EPB41L4A: variants seen among roughly 807,000 people sequenced by gnomAD.
EPB41L4A encodes the protein erythrocyte membrane protein band 4.1 like 4A, also known as band 4.1-like protein 4A.
In EPB41L4A, 100 loss-of-function variants were observed where a neutral mutation model predicts 108.6. The observed-to-expected ratio is 0.92, with a 90% CI of 0.78 to 1.09. The LOEUF (loss-of-function observed/expected upper bound fraction) is 1.09, where lower values mean the gene tolerates loss of function less well. EPB41L4A is among the 50% of genes least tolerant of loss of function. The probability of loss-of-function intolerance (pLI) is 0.00; values close to 1 mark genes in which losing one functional copy is unlikely to be tolerated. For synonymous variants in EPB41L4A, 319 were observed against 289.0 expected (o/e 1.10, Z -1.05); for missense variants, 1,030 against 842.7 (o/e 1.22, Z -2.75).
chr5:112,279,059 C>A (rs908981785), intron 3 of EPB41L4A, among the ~76,000 whole-genome samples: 5 of 111,872 alleles, frequency 4.5e-5, no homozygotes, highest in Admixed American at 1.9e-4. Context: ...AGCAAGATAC[C>A]GTCTCAAAAA....
chr5:112,388,720 T>C (rs925177081), intron 1 of EPB41L4A, among the ~76,000 whole-genome samples: 2 of 152,160 alleles, frequency 1.3e-5, no homozygotes, highest in African/African-American at 4.8e-5. Context: ...TGCTCAACTA[T>C]TACATGCAGG....
chr5:112,352,282 C>T lies in EPB41L4A; in HGVS notation c.100-44792G>A, dbSNP rs7712659. ...ATTGCTATAAGCTTCCCTCTTAGCA[C>T]TGCTTTTGCTGTACCCATAGGTTTT... On this transcript the variant is annotated intron_variant, in intron 1 of 22. Coordinates refer to ENST00000261486, the MANE Select transcript of EPB41L4A (RefSeq NM_022140.5). 3.2e-3 allele frequency among the ~76,000 whole-genome samples: 487 copies of T among 152,250 alleles called. 2 individuals are homozygous for T. Among genetic ancestry groups the T allele is most frequent in the African/African-American group, 0.011 (463 of 41,532 alleles).
chr5:112,335,723 G>A (rs932937708), intron 1 of EPB41L4A, among the ~76,000 whole-genome samples: 5 of 152,180 alleles, frequency 3.3e-5, no homozygotes, highest in Admixed American at 2.0e-4. Context: ...GCCAGAGAGA[G>A]AGAATTTTAA....
intron 17 of EPB41L4A, among the ~76,000 whole-genome samples, chr5:112,191,449 T>C (rs1488817404): frequency 6.6e-6 from 1 of 152,206 alleles, no homozygotes; most frequent in Non-Finnish European, 1.5e-5. Context: ...GGATTATTAT[T>C]TTTTAAAATT....
chr5:112,170,809 T>C (rs1245999148), intron 19 of EPB41L4A, 136 bp downstream of exon 19: 5 of 735,622 alleles, frequency 6.8e-6, no homozygotes, highest in Non-Finnish European at 1.1e-5. Context: ...ATGTGCTCCA[T>C]GTGCCTGCCA....
chr5:112,356,840 G>C (rs1399252530), intron 1 of EPB41L4A, among the ~76,000 whole-genome samples: 2 of 152,154 alleles, frequency 1.3e-5, no homozygotes, highest in African/African-American at 4.8e-5. Flanking sequence ...GGGATGCAGT[G>C]GTCTGGAACA....
intron 11 of EPB41L4A, among the ~76,000 whole-genome samples, chr5:112,239,223 C>A (rs1749589894): frequency 6.6e-6 from 1 of 152,206 alleles, no homozygotes; most frequent in South Asian, 2.1e-4. Flanking sequence ...GCTAGCATTA[C>A]TACATGCAGG....
At chr5:112,344,184 TAATCACTAC>T (rs948241374) in intron 1 of EPB41L4A, among the ~76,000 whole-genome samples, 3 of 152,204 alleles carry the variant, frequency 2.0e-5, no homozygotes, top group African/African-American at 7.2e-5. Flanking sequence ...TTCAATATCA[TAATCACTAC>T]CCACATGAGG....
chr5:112,415,613 G>C (rs952198435), intron 1 of EPB41L4A, among the ~76,000 whole-genome samples: 1 of 152,088 alleles, frequency 6.6e-6, no homozygotes. Context: ...GTTTTGCTAA[G>C]AGAACAAAAA....
At position 112,339,177 on chromosome 5, in the gene EPB41L4A, G is replaced by T. The variant is rs182356679; in HGVS notation, c.100-31687C>A. 3.1e-3 allele frequency among the ~76,000 whole-genome samples: 468 copies of T among 152,128 alleles called. 9 individuals carry two copies. Among genetic ancestry groups the T allele is most frequent in the Non-Finnish European group, 2.8e-3 (188 of 67,996 alleles). ...TTTTCAAATGTGGCTGTGTTCCTTG[G>T]CCAAAGGATGAGATTCTAATCATCA... On this transcript the variant is annotated intron_variant, in intron 1 of 22. Transcript: ENST00000261486.
Position 112,178,007 on chromosome 5 carries a change from C to A in EPB41L4A, c.1622+6009G>T, listed in dbSNP as rs577439814. Among the ~76,000 whole-genome samples the A allele has an allele frequency of 3.4e-4, 52 of 151,046 alleles. 1 individual carries two copies. The South Asian group carries it at 0.01, about 30-fold the overall frequency. ...ATGTTAACTGCTAGCAGGCTAAACA[C>A]TGAACTTAAAAGACAGGGATTGTCA... On this transcript the variant is annotated intron_variant, in intron 18 of 22. Coordinates refer to ENST00000261486, the MANE Select transcript of EPB41L4A (RefSeq NM_022140.5).
At chr5:112,179,580 T>C (rs943911055) in intron 18 of EPB41L4A, among the ~76,000 whole-genome samples, 1 of 152,120 alleles carries the variant, frequency 6.6e-6, no homozygotes, top group Non-Finnish European at 1.5e-5. Flanking sequence ...ATAACAACTA[T>C]CTCAACAGAT....
intron 2 of EPB41L4A, among the ~76,000 whole-genome samples, chr5:112,291,091 A>G (rs1753609468): frequency 1.3e-5 from 2 of 152,186 alleles, no homozygotes; most frequent in African/African-American, 4.8e-5. Flanking sequence ...TTTCAAACCC[A>G]ACATATGCAA....
At chr5:112,327,237 G>A (rs1345535048) in intron 1 of EPB41L4A, among the ~76,000 whole-genome samples, 2 of 152,032 alleles carry the variant, frequency 1.3e-5, no homozygotes, top group African/African-American at 4.8e-5. Context: ...ATTAGAAAAG[G>A]CTTTGTTAAA....
At chr5:112,353,265 T>G (rs1346562843) in intron 1 of EPB41L4A, among the ~76,000 whole-genome samples, 1 of 151,988 alleles carries the variant, frequency 6.6e-6, no homozygotes, top group Admixed American at 6.5e-5. Flanking sequence ...ACCAAGCATG[T>G]CTTTGGACAC....
chr5:112,169,183 C>G, intron 20 of EPB41L4A, 78 bp from the exon 21 acceptor site: 1 of 992,856 alleles, frequency 1.0e-6, no homozygotes, highest in Non-Finnish European at 1.6e-6. Context: ...AATATTGAAA[C>G]CGCAAAAGAA....
Position 112,419,001 on chromosome 5 carries a change from G to C in EPB41L4A, c.39C>G (p.Cys13Trp). Reference sequence around the variant, plus strand: ...TGGATTCATCCAGGAGCAAAACTTCGCAGTAAAATTCTTCCGGAACAGCGC... The same window carrying C: ...TGGATTCATCCAGGAGCAAAACTTCCCAGTAAAATTCTTCCGGAACAGCGC... ...CFCAVPEEFY[C>W]EVLLLDESKL... The change falls in exon 1 of 23, where the codon TGC becomes TGG. Residue 13 changes from cysteine (C) to tryptophan (W), a missense_variant. Cys to Trp is a radical substitution (Grantham distance 215). Transcript: ENST00000261486. 1 of 1,613,602 alleles carries C rather than the reference G, an allele frequency of 6.2e-7. No homozygotes were observed. The highest frequency in any genetic ancestry group is 8.5e-7 in the Non-Finnish European group (1 of 1,179,702).
chr5:112,297,647 C>G (rs796866580), intron 2 of EPB41L4A, among the ~76,000 whole-genome samples: 2 of 152,028 alleles, frequency 1.3e-5, no homozygotes, highest in African/African-American at 4.8e-5. Context: ...TTAAGTCTCA[C>G]CTATTTATCT....
chr5:112,217,332 T>A (rs1488991086), intron 12 of EPB41L4A, among the ~76,000 whole-genome samples: 1 of 152,208 alleles, frequency 6.6e-6, no homozygotes, highest in South Asian at 2.1e-4. Context: ...AATAAAGATG[T>A]TTCTGCATCC....
Sources: gnomAD v4.1 joint callset for allele counts (sites outside exome capture counted in the v4.1 genomes callset) on GRCh38, gnomAD v4.1.1 for gene constraint, MANE v1.5 for transcripts, NCBI Gene and HGNC (gene_info 2026-07-23, HGNC 2026-07-21) for gene names.